The following GLIS3 variants were observed in gnomAD, a reference collection of about 807,000 sequenced individuals.
The protein encoded by GLIS3 is GLIS family zinc finger 3, also known as zinc finger protein GLIS3.
A neutral mutation model predicts 78.6 loss-of-function variants in GLIS3; 53 were observed. The observed-to-expected ratio is 0.67, with a 90% confidence interval of 0.54 to 0.85. The LOEUF is 0.85. Ranked by LOEUF, GLIS3 falls within the 40% of genes least tolerant of loss-of-function variation. The pLI is 0.00. For synonymous variants in GLIS3, 684 were observed against 509.9 expected, an observed-to-expected ratio of 1.34 and a Z score of -4.60; for missense variants, 1,703 against 1,231.1, an observed-to-expected ratio of 1.38 and a Z score of -5.74.
At chr9:4,012,772 T>C (rs868687327) in intron 4 of GLIS3, among the ~76,000 whole-genome samples, 14 of 137,224 alleles carry the variant, frequency 1.0e-4, no homozygotes, top group Non-Finnish European at 1.6e-4. Context: ...TTTCTTTTTT[T>C]TTTTTTTTTT....
At chr9:4,147,687 G>C (rs1834335337) in intron 2 of GLIS3, 1 of 152,178 alleles carries the variant, frequency 6.6e-6, no homozygotes. Context: ...AACTGCTGGT[G>C]AAGTCAGCCA....
At chr9:3,961,356 G>C (rs1169766884) in intron 4 of GLIS3, among the ~76,000 whole-genome samples, 1 of 152,130 alleles carries the variant, frequency 6.6e-6, no homozygotes, top group African/African-American at 2.4e-5. Flanking sequence ...TTGGAATACA[G>C]GCTTGAATCT....
intron 2 of GLIS3, among the ~76,000 whole-genome samples, chr9:4,244,723 C>T (rs1429869176): frequency 1.3e-5 from 2 of 151,864 alleles, no homozygotes; most frequent in Non-Finnish European, 1.5e-5. Flanking sequence ...TAGAGGTGTC[C>T]GCCACCACAC....
intron 4 of GLIS3, among the ~76,000 whole-genome samples, chr9:4,053,959 A>G (rs1247549919): frequency 2.0e-5 from 3 of 152,226 alleles, no homozygotes; most frequent in African/African-American, 4.8e-5. Flanking sequence ...TTGTTTATCA[A>G]ATAAAAGCCT....
chr9:3,870,347 C>T (rs10973934), intron 8 of GLIS3, among the ~76,000 whole-genome samples: 64 of 152,172 alleles, frequency 4.2e-4, no homozygotes, highest in African/African-American at 1.5e-3. Flanking sequence ...TCCTGGATGA[C>T]CACTGGGCCA....
At chr9:3,949,298 AG>A (rs1301212387) in intron 4 of GLIS3, among the ~76,000 whole-genome samples, 4 of 152,260 alleles carry the variant, frequency 2.6e-5, no homozygotes, top group African/African-American at 9.6e-5. Flanking sequence ...AGCAATGACT[AG>A]AAAGTACTGT....
Position 3,824,385 on chromosome 9 carries a change from CAA to C in GLIS3, c.*3885_*3886del, listed in dbSNP as rs1817614816. The C allele has an allele frequency of 6.6e-6, 1 of 152,368 alleles. No homozygotes were observed. 9.4% of individuals were successfully genotyped at this position (152,368 alleles called of 1,614,324 possible). A position where few individuals can be genotyped will look rare whatever the true frequency, so the allele number is the denominator to read the frequency against. Reference sequence around the variant, plus strand: ...AGTATGTAAGAGGCTGATGGTAAAACAAAACAAAAAAACAAACAAACAAACAA... The same window carrying C: ...AGTATGTAAGAGGCTGATGGTAAAACAACAAAAAAACAAACAAACAAACAA... On this transcript the variant is annotated 3_prime_UTR_variant, in exon 11 of 11. Transcript: ENST00000381971.
At chr9:4,378,019 C>G in the GLIS3 span, among the ~76,000 whole-genome samples, 3 of 152,112 alleles carry the variant, frequency 2.0e-5, no homozygotes, top group Admixed American at 2.0e-4. Context: ...GTGTATGAGG[C>G]TTAACTCCTT....
chr9:4,090,442 G>C (rs978801332), intron 4 of GLIS3, among the ~76,000 whole-genome samples: 2 of 150,704 alleles, frequency 1.3e-5, no homozygotes, highest in Non-Finnish European at 3.0e-5. Flanking sequence ...GCCTTCTTTG[G>C]GACTTAAAGT....
At chr9:4,245,928 T>A (rs981680936) in intron 2 of GLIS3, among the ~76,000 whole-genome samples, 1 of 152,222 alleles carries the variant, frequency 6.6e-6, no homozygotes, top group African/African-American at 2.4e-5. Flanking sequence ...GTATTTATTT[T>A]TATTTTTTCA....
At chr9:4,161,421 C>A (rs561761396) in intron 2 of GLIS3, among the ~76,000 whole-genome samples, 5 of 152,166 alleles carry the variant, frequency 3.3e-5, no homozygotes, top group Admixed American at 2.6e-4. Context: ...TGTTTATACA[C>A]ATGGGGAAGA....
chr9:4,026,132 C>G (rs1416866345), intron 4 of GLIS3, among the ~76,000 whole-genome samples: 1 of 152,172 alleles, frequency 6.6e-6, no homozygotes, highest in Non-Finnish European at 1.5e-5. Context: ...AGGCTTTCTT[C>G]CAACATCAAG....
At chr9:4,126,211 A>G (rs1323761908) in intron 2 of GLIS3, among the ~76,000 whole-genome samples, 4 of 152,236 alleles carry the variant, frequency 2.6e-5, no homozygotes, top group African/African-American at 7.2e-5. Flanking sequence ...ATTAAAAATC[A>G]TATTTTATAA....
intron 9 of GLIS3, among the ~76,000 whole-genome samples, chr9:3,853,679 G>A (rs534235165): frequency 1.9e-4 from 29 of 152,264 alleles, no homozygotes; most frequent in Admixed American, 6.5e-4. Flanking sequence ...ACAGTTCAGG[G>A]TAGACTAGTG....
chr9:3,907,527 C>T (rs781418809), intron 6 of GLIS3, among the ~76,000 whole-genome samples: 5 of 151,936 alleles, frequency 3.3e-5, no homozygotes, highest in Non-Finnish European at 5.9e-5. Flanking sequence ...CAATGTGCTG[C>T]CGCCCCTCAG....
intron 7 of GLIS3, among the ~76,000 whole-genome samples, chr9:3,888,156 G>A (rs75424935): frequency 2.0e-5 from 3 of 152,252 alleles, no homozygotes; most frequent in Admixed American, 6.5e-5. Flanking sequence ...CGGGGTAGAC[G>A]TGGCCAATCA....
At chr9:4,099,050 C>A (rs910817227) in intron 4 of GLIS3, among the ~76,000 whole-genome samples, 1 of 152,178 alleles carries the variant, frequency 6.6e-6, no homozygotes, top group African/African-American at 2.4e-5. Flanking sequence ...AGACAAAGTG[C>A]AATGTCCCAC....
At chr9:4,017,217 C>T (rs1350236724) in intron 4 of GLIS3, among the ~76,000 whole-genome samples, 1 of 152,132 alleles carries the variant, frequency 6.6e-6, no homozygotes, top group Non-Finnish European at 1.5e-5. Context: ...TAGGCATTTT[C>T]TTAGGTGAAG....
At chr9:4,395,506 G>A in the GLIS3 span, among the ~76,000 whole-genome samples, 1 of 152,040 alleles carries the variant, frequency 6.6e-6, no homozygotes, top group African/African-American at 2.4e-5. Flanking sequence ...TGCTCTAGCT[G>A]AAGAAGAAGA....
Sources: allele counts gnomAD v4.1 joint callset (sites outside exome capture counted in the v4.1 genomes callset), GRCh38; gene constraint gnomAD v4.1.1; transcripts MANE v1.5; gene names NCBI Gene and HGNC (gene_info 2026-07-23, HGNC 2026-07-21).